SRBD1: variants seen among roughly 807,000 people sequenced by gnomAD.
SRBD1 encodes S1 RNA binding domain 1, also known as S1 RNA-binding domain-containing protein 1.
SRBD1 carries 88 observed loss-of-function variants against 115.3 expected under a neutral mutation model. The ratio of observed to expected loss-of-function variants is 0.76; its 90% CI spans 0.64 to 0.91. The LOEUF is 0.91. SRBD1 is among the 40% of genes least tolerant of loss of function. The pLI, the probability that SRBD1 is intolerant of heterozygous loss-of-function variation, is 0.00. For missense variants in SRBD1, 1,385 were observed against 1,177.4 expected, an observed-to-expected ratio of 1.18 and a Z score of -2.58; for synonymous variants, 509 against 407.7, an observed-to-expected ratio of 1.25 and a Z score of -2.99.
At chr2:45,521,531 G>A (rs1463924385) in intron 14 of SRBD1, among the ~76,000 whole-genome samples, 1 of 151,998 alleles carries the variant, frequency 6.6e-6, no homozygotes, top group East Asian at 1.9e-4. Flanking sequence ...TGAAGAAACT[G>A]GACCCCTCAT....
intron 16 of SRBD1, 93 bp downstream of exon 16, chr2:45,476,900 C>T: frequency 8.9e-7 from 1 of 1,127,802 alleles, no homozygotes; most frequent in Non-Finnish European, 1.3e-6. Flanking sequence ...AAATGGGAAT[C>T]TACTCCCACA....
intron 10 of SRBD1, among the ~76,000 whole-genome samples, chr2:45,559,925 G>T (rs1478318219): frequency 6.6e-6 from 1 of 151,734 alleles, no homozygotes; most frequent in Non-Finnish European, 1.5e-5. Flanking sequence ...CTACAAGAAA[G>T]AAAAATTTAG....
Position 45,524,605 on chromosome 2 carries a change from A to G in SRBD1, c.1874+22127T>C, listed in dbSNP as rs76564234. Reference sequence around the variant, plus strand: ...TTAACAAAAGAAGTATCGAACTTATACTCTGAAAGCTACAGAACATTGTTG... The same window carrying G: ...TTAACAAAAGAAGTATCGAACTTATGCTCTGAAAGCTACAGAACATTGTTG... On this transcript the variant is annotated intron_variant, in intron 14 of 20. Transcript: ENST00000263736. Among the ~76,000 whole-genome samples the G allele has an allele frequency of 4.1e-3, 618 of 152,204 alleles. 6 individuals carry two copies. Among genetic ancestry groups the G allele is most frequent in the African/African-American group, 0.013 (533 of 41,580 alleles).
intron 15 of SRBD1, 49 bp downstream of exon 15, chr2:45,488,191 C>T: frequency 3.3e-6 from 5 of 1,524,284 alleles, no homozygotes; most frequent in African/African-American, 1.4e-5. Flanking sequence ...ACACATGCTG[C>T]CCAAAATATC....
intron 12 of SRBD1, among the ~76,000 whole-genome samples, 182 bp downstream of exon 12, chr2:45,550,942 GT>G (rs1055382033): frequency 6.6e-6 from 1 of 152,196 alleles, no homozygotes; most frequent in Non-Finnish European, 1.5e-5. Context: ...ATATTGAGGA[GT>G]TTGATCAACA....
At chr2:45,439,578 T>G (rs1048908938) in intron 16 of SRBD1, among the ~76,000 whole-genome samples, 1 of 151,606 alleles carries the variant, frequency 6.6e-6, no homozygotes, top group East Asian at 1.9e-4. Flanking sequence ...TAAAAATGAT[T>G]TGATTTTCTG....
chr2:45,542,145 C>A (rs1671962228), intron 14 of SRBD1, among the ~76,000 whole-genome samples: 1 of 152,238 alleles, frequency 6.6e-6, no homozygotes, highest in African/African-American at 2.4e-5. Flanking sequence ...CCCACCCCAG[C>A]CTCACTCCTG....
chr2:45,454,004 G>A (rs1383016427), intron 16 of SRBD1, among the ~76,000 whole-genome samples: 2 of 151,896 alleles, frequency 1.3e-5, no homozygotes, highest in Non-Finnish European at 2.9e-5. Context: ...TATATACACA[G>A]TCTTTCGAAG....
intron 15 of SRBD1, 74 bp downstream of exon 15, chr2:45,488,166 A>AATATTT: frequency 7.8e-7 from 1 of 1,275,486 alleles, no homozygotes; most frequent in Non-Finnish European, 1.1e-6. Flanking sequence ...TGATATTTAG[A>AATATTT]ATATTTAGCA....
At chr2:45,463,989 A>T (rs1010882007) in intron 16 of SRBD1, among the ~76,000 whole-genome samples, 4 of 152,190 alleles carry the variant, frequency 2.6e-5, no homozygotes, top group Non-Finnish European at 4.4e-5. Flanking sequence ...TTGGATAAAG[A>T]TATTACACTT....
intron 9 of SRBD1, chr2:45,568,121 A>G (rs1672892484): frequency 6.6e-6 from 1 of 152,234 alleles, no homozygotes; most frequent in Non-Finnish European, 1.5e-5. Context: ...GTAAAAAGAC[A>G]CACCAATAAA....
intron 19 of SRBD1, among the ~76,000 whole-genome samples, chr2:45,397,721 G>T (rs997248985): frequency 1.3e-5 from 2 of 152,068 alleles, no homozygotes. Context: ...CTCCTCCCTT[G>T]GCCTCCCAAG....
intron 14 of SRBD1, among the ~76,000 whole-genome samples, chr2:45,542,644 A>C (rs1671982975): frequency 6.6e-6 from 1 of 152,226 alleles, no homozygotes; most frequent in South Asian, 2.1e-4. Context: ...ACAGTTTCTT[A>C]AGTTAAACAT....
intron 15 of SRBD1, among the ~76,000 whole-genome samples, chr2:45,483,465 C>T (rs1670025559): frequency 6.6e-6 from 1 of 152,042 alleles, no homozygotes; most frequent in African/African-American, 2.4e-5. Context: ...TTGAAAGCAA[C>T]ATTTCTCCTC....
chr2:45,392,970 C>A lies in SRBD1; in HGVS notation c.2673G>T (p.Gln891His). The A allele has an allele frequency of 6.2e-7, 1 of 1,607,774 alleles. No homozygotes were observed. Among genetic ancestry groups the A allele is most frequent in the Non-Finnish European group, 8.5e-7 (1 of 1,176,800 alleles). ...TLQVIIDGLS[Q>H]PESFDFRTDF... ...CTGTTCGAAAGTCAAAGCTTTCAGG[C>A]TGGCTGAGACCATCTATGATGACCT... Residue 891 changes from glutamine to histidine, a missense_variant, in exon 20 of 21, where the codon CAG becomes CAT. Coordinates refer to ENST00000263736, the MANE Select transcript of SRBD1 (RefSeq NM_018079.5).
intron 14 of SRBD1, among the ~76,000 whole-genome samples, chr2:45,512,574 C>T (rs1448735549): frequency 1.3e-5 from 2 of 152,252 alleles, no homozygotes; most frequent in African/African-American, 4.8e-5. Flanking sequence ...TTCCATGTGA[C>T]AACCAACTAG....
At chr2:45,528,761 G>C (rs1671526667) in intron 14 of SRBD1, among the ~76,000 whole-genome samples, 1 of 151,796 alleles carries the variant, frequency 6.6e-6, no homozygotes, top group South Asian at 2.1e-4. Flanking sequence ...TGTTGTCTAA[G>C]TTTAAGAGTG....
At chr2:45,418,955 T>C (rs1485879688) in intron 17 of SRBD1, among the ~76,000 whole-genome samples, 1 of 152,220 alleles carries the variant, frequency 6.6e-6, no homozygotes, top group East Asian at 1.9e-4. Flanking sequence ...ACTACCTTTT[T>C]TGTGTGTTAG....
chr2:45,484,259 C>T (rs1051498752), intron 15 of SRBD1, among the ~76,000 whole-genome samples: 1 of 152,126 alleles, frequency 6.6e-6, no homozygotes, highest in East Asian at 1.9e-4. Context: ...TAAGGCTTGT[C>T]AACTATGGCT....
Sources: gnomAD v4.1 joint callset for allele counts (sites outside exome capture counted in the v4.1 genomes callset) on GRCh38, gnomAD v4.1.1 for gene constraint, MANE v1.5 for transcripts, NCBI Gene and HGNC (gene_info 2026-07-23, HGNC 2026-07-21) for gene names.